NRXN3: variants seen among roughly 807,000 people sequenced by gnomAD.
NRXN3 encodes the protein neurexin III.
NRXN3 carries 32 observed loss-of-function variants against 137.6 expected under a neutral mutation model. The observed-to-expected ratio is 0.23, with a 90% CI of 0.18 to 0.31. The LOEUF is 0.31. Among genes scored for constraint, NRXN3 ranks in the 10% least tolerant of loss-of-function variants. The pLI is 1.00. For missense variants in NRXN3, 1,574 were observed against 2,062.5 expected, an observed-to-expected ratio of 0.76 and a Z score of 4.59; for synonymous variants, 798 against 784.5, an observed-to-expected ratio of 1.02 and a Z score of -0.29.
chr14:78,529,336 G>A (rs904250285), intron 4 of NRXN3, among the ~76,000 whole-genome samples: 8 of 152,186 alleles, frequency 5.3e-5, no homozygotes, highest in African/African-American at 1.9e-4. Flanking sequence ...TAAAATAAGA[G>A]TGGGAAATTC....
intron 16 of NRXN3, among the ~76,000 whole-genome samples, chr14:79,499,819 T>A (rs2096801834): frequency 6.6e-6 from 1 of 152,192 alleles, no homozygotes; most frequent in Admixed American, 6.5e-5. Flanking sequence ...CAAGGTAATG[T>A]CATGATATGG....
chr14:78,262,577 G>A (rs1379281869), intron 2 of NRXN3, among the ~76,000 whole-genome samples: 1 of 152,074 alleles, frequency 6.6e-6, no homozygotes. Context: ...AGATCAGCCT[G>A]AAAATTCCCA....
intron 19 of NRXN3, among the ~76,000 whole-genome samples, chr14:79,790,011 G>A (rs1488266737): frequency 1.3e-5 from 2 of 152,162 alleles, no homozygotes; most frequent in African/African-American, 4.8e-5. Flanking sequence ...GGCAGCAGAG[G>A]GAGGAGTTAA....
intron 4 of NRXN3, among the ~76,000 whole-genome samples, chr14:78,394,336 G>A (rs1285972403): frequency 1.3e-5 from 2 of 151,796 alleles, no homozygotes; most frequent in Non-Finnish European, 3.0e-5. Flanking sequence ...ATAACCATGT[G>A]TTTTTTTCTT....
At chr14:79,420,728 AG>A (rs1399393541) in intron 15 of NRXN3, among the ~76,000 whole-genome samples, 1 of 152,226 alleles carries the variant, frequency 6.6e-6, no homozygotes, top group Non-Finnish European at 1.5e-5. Context: ...TCAATGCAAA[AG>A]AAGCCTAAAA....
In NRXN3 at chr14:79,259,123, C is replaced by T. The variant is rs144689711; in HGVS notation, c.3263-208098C>T. On this transcript the variant is annotated intron_variant, in intron 15 of 20. Coordinates refer to ENST00000335750, the MANE Select transcript of NRXN3 (RefSeq NM_001330195.2). ...AAGAGGCAGCTATACAGGGGAGAAT[C>T]GCAACCTGTGTAGTCACCATGTGAC... Among the ~76,000 whole-genome samples, 739 of 152,222 alleles carry T rather than the reference C, an allele frequency of 4.9e-3. 4 individuals are homozygous for T. The highest frequency in any genetic ancestry group is 0.01 in the South Asian group (49 of 4,822).
In NRXN3 at chr14:78,413,981, C is replaced by T. The variant is rs542956480; in HGVS notation, c.757+116121C>T. On this transcript the variant is annotated intron_variant, in intron 4 of 20. Coordinates refer to ENST00000335750, the MANE Select transcript of NRXN3 (RefSeq NM_001330195.2). ...GTGAGTAAGTCTTATGAGATCTAGT[C>T]GTTTTATAAAAGAGAGTTCCCCTGC... Among the ~76,000 whole-genome samples, 16 of 152,208 alleles carry T rather than the reference C, an allele frequency of 1.1e-4. 1 individual carries two copies. The South Asian group carries it at 2.3e-3, about 22-fold the overall frequency.
chr14:78,606,258 T>A (rs961495270), intron 4 of NRXN3, among the ~76,000 whole-genome samples: 5 of 152,244 alleles, frequency 3.3e-5, no homozygotes, highest in African/African-American at 1.2e-4. Flanking sequence ...GACTCTTGAA[T>A]GACTTTCCCC....
At chr14:79,486,953 CTCTCT>C (rs1567258866) in intron 16 of NRXN3, among the ~76,000 whole-genome samples, 2 of 150,194 alleles carry the variant, frequency 1.3e-5, no homozygotes, top group African/African-American at 4.9e-5. Flanking sequence ...CTCTCTCTCT[CTCTCT>C]CTCCCACACA....
At chr14:79,802,906 A>G (rs1424143854) in intron 19 of NRXN3, among the ~76,000 whole-genome samples, 1 of 152,070 alleles carries the variant, frequency 6.6e-6, no homozygotes, top group Non-Finnish European at 1.5e-5. Flanking sequence ...GGAGAAGGAG[A>G]GCATCAGGAT....
At chr14:79,037,648 G>T (rs546749047) in intron 15 of NRXN3, among the ~76,000 whole-genome samples, 87 of 152,180 alleles carry the variant, frequency 5.7e-4, no homozygotes, top group African/African-American at 1.8e-3. Context: ...CCTCTCCCTA[G>T]TGCCACATTG....
chr14:79,375,600 A>G (rs1048939219), intron 15 of NRXN3, among the ~76,000 whole-genome samples: 2 of 152,092 alleles, frequency 1.3e-5, no homozygotes, highest in Non-Finnish European at 2.9e-5. Context: ...CTTTCTCTTT[A>G]GGGTGGCTGT....
Position 79,146,489 on chromosome 14 carries a change from A to T in NRXN3, c.3262+158348A>T, listed in dbSNP as rs1479199871. ...ATTTTAGATAAAGTTATAATATCTGATAAGATAGCATGGAAGGAAGGAACT... is the reference window on the plus strand; with the variant it reads ...ATTTTAGATAAAGTTATAATATCTGTTAAGATAGCATGGAAGGAAGGAACT... On this transcript the variant is annotated intron_variant, in intron 15 of 20. Transcript: ENST00000335750. 7.2e-5 allele frequency among the ~76,000 whole-genome samples: 11 copies of T among 152,254 alleles called. No individual in the cohort carries two copies. The East Asian group carries it at 7.7e-4, about 11-fold the overall frequency.
chr14:79,684,624 T>G (rs548218952), intron 17 of NRXN3, among the ~76,000 whole-genome samples: 1 of 152,272 alleles, frequency 6.6e-6, no homozygotes, highest in East Asian at 1.9e-4. Context: ...AATGTTCCTG[T>G]GTTGTGCAGC....
At chr14:78,739,502 T>C (rs1489404457) in intron 8 of NRXN3, among the ~76,000 whole-genome samples, 1 of 152,154 alleles carries the variant, frequency 6.6e-6, no homozygotes, top group African/African-American at 2.4e-5. Context: ...GAGACGGAGT[T>C]TCATTGTTGA....
intron 16 of NRXN3, among the ~76,000 whole-genome samples, chr14:79,620,116 A>G (rs2098206806): frequency 6.6e-6 from 1 of 152,078 alleles, no homozygotes; most frequent in Admixed American, 6.6e-5. Flanking sequence ...AAGGGGATAA[A>G]CCAAGAAGAA....
chr14:79,031,681 T>G (rs969069105), intron 15 of NRXN3, among the ~76,000 whole-genome samples: 1 of 148,352 alleles, frequency 6.7e-6, no homozygotes, highest in African/African-American at 2.5e-5. Flanking sequence ...GTTTATATTG[T>G]GTATCCAAAA....
At chr14:79,829,489 C>A (rs1297199345) in intron 20 of NRXN3, among the ~76,000 whole-genome samples, 2 of 152,164 alleles carry the variant, frequency 1.3e-5, no homozygotes, top group Non-Finnish European at 2.9e-5. Flanking sequence ...TACTGATTAC[C>A]ATTTAGATTT....
intron 4 of NRXN3, among the ~76,000 whole-genome samples, chr14:78,438,564 A>G (rs1332551996): frequency 2.0e-5 from 3 of 152,176 alleles, no homozygotes; most frequent in South Asian, 4.1e-4. Context: ...AAAACACTCT[A>G]TCAGCCACTT....
Sources: allele counts gnomAD v4.1 joint callset (sites outside exome capture counted in the v4.1 genomes callset), GRCh38; gene constraint gnomAD v4.1.1; transcripts MANE v1.5; gene names NCBI Gene and HGNC (gene_info 2026-07-23, HGNC 2026-07-21).